BMP10: variants seen among roughly 807,000 people sequenced by gnomAD.
BMP10 encodes the protein bone morphogenetic protein 10.
BMP10 carries 9 observed loss-of-function variants against 29.9 expected under a neutral mutation model. That is an observed-to-expected ratio of 0.30 (90% CI 0.18 to 0.53). The LOEUF is 0.53. Among genes scored for constraint, BMP10 ranks in the 20% least tolerant of loss-of-function variants. The probability of loss-of-function intolerance (pLI) is 0.96; values close to 1 mark genes in which losing one functional copy is unlikely to be tolerated. For missense variants in BMP10, 474 were observed against 524.3 expected, an observed-to-expected ratio of 0.90 and a Z score of 0.94; for synonymous variants, 202 against 200.2, an observed-to-expected ratio of 1.01 and a Z score of -0.07.
At position 68,871,075 on chromosome 2, in the gene BMP10, T is replaced by C. The variant is rs1250514646; in HGVS notation, c.284A>G (p.Asp95Gly). The change falls in exon 1 of 2, where the codon GAT (aspartate) becomes GGT (glycine). Residue 95 changes from aspartate (D) to glycine (G), a missense_variant. Transcript: ENST00000295379. The part of the protein sequence containing the change: ...MLELYNKFAT[D>G]RTSMPSANII... ...GTTGGCAGAGGGCATGGAGGTCCGA[T>C]CTGTTGCAAATTTGTTGTAGAGTTC... The C allele has an allele frequency of 6.2e-7, 1 of 1,614,142 alleles. No homozygotes were observed. Among genetic ancestry groups the C allele is most frequent in the Admixed American group, 1.7e-5 (1 of 60,024 alleles).
Position 68,865,931 on chromosome 2 carries a change from C to T in BMP10, c.975G>A (p.Arg325=). The T allele has an allele frequency of 6.2e-7, 1 of 1,614,046 alleles. No individual in the cohort carries two copies. The highest frequency in any genetic ancestry group is 8.5e-7 in the Non-Finnish European group (1 of 1,179,982). The change falls in exon 2 of 2, where the codon AGG becomes AGA. Residue 325 remains arginine, a synonymous_variant. Coordinates refer to ENST00000295379, the MANE Select transcript of BMP10 (RefSeq NM_014482.3). The surrounding 1 kb of genome is among the most constrained non-coding windows in gnomAD (Gnocchi z 4.7). ...CCTTGAAGTCGATGTAGAGCGGGGT[C>T]CTCTTACAGTAGTTTCCTTTGGCGT... ...RRNAKGNYCK[R]TPLYIDFKEI...
chr2:68,865,704 T>C lies in BMP10; in HGVS notation c.1202A>G (p.Tyr401Cys). ...GTAGGTGACGACGCCTTTGTCTAAATAGAGGATGGAGATGGGCTCTAGCTT... is the reference window on the plus strand; with the variant it reads ...GTAGGTGACGACGCCTTTGTCTAAACAGAGGATGGAGATGGGCTCTAGCTT... ...PTKLEPISIL[Y>C]LDKGVVTYKF... Residue 401 changes from tyrosine (Y) to cysteine (C), a missense_variant, in exon 2 of 2, where the codon TAT becomes TGT. Around this residue, in one of 2 missense-constraint regions of BMP10, gnomAD observed 66 missense variants for 109.0 expected, o/e 0.61. Transcript: ENST00000295379. This position sits in a 1 kb window ranked among gnomAD's most constrained non-coding sequence, Gnocchi z 4.7. 6.2e-7 allele frequency: 1 copy of C among 1,614,110 alleles called. No homozygotes were observed. Among genetic ancestry groups the C allele is most frequent in the Non-Finnish European group, 8.5e-7 (1 of 1,179,984 alleles).
chr2:68,869,170 G>A (rs979033980), intron 1 of BMP10, among the ~76,000 whole-genome samples: 1 of 152,134 alleles, frequency 6.6e-6, no homozygotes, highest in Non-Finnish European at 1.5e-5. Flanking sequence ...TACTCGTTTT[G>A]CACCAGAATA....
Position 68,864,486 on chromosome 2 carries a change from C to T in BMP10, c.*1145G>A, listed in dbSNP as rs1193504666. ...AGCAAAGGCACTTAGGTGTCCCTTTCCAGTTCACAGCATGCATCATGAAGG... is the reference window on the plus strand; with the variant it reads ...AGCAAAGGCACTTAGGTGTCCCTTTTCAGTTCACAGCATGCATCATGAAGG... On this transcript the variant is annotated 3_prime_UTR_variant, in exon 2 of 2. Transcript: ENST00000295379. 6.6e-6 allele frequency among the ~76,000 whole-genome samples: 1 copy of T among 152,046 alleles called. No individual in the cohort carries two copies. Among genetic ancestry groups the T allele is most frequent in the Non-Finnish European group, 1.5e-5 (1 of 68,016 alleles).
In BMP10 at chr2:68,866,014, C is replaced by T. The variant is rs1347466044; in HGVS notation, c.892G>A (p.Ala298Thr). The T allele has an allele frequency of 6.2e-7, 1 of 1,614,074 alleles. No individual in the cohort carries two copies. Reference sequence around the variant, plus strand: ...ATGTTTGATCTCATCTGCAACAAAGCCTCTTCCCCAGGTCCACTGGAAAAG... The same window carrying T: ...ATGTTTGATCTCATCTGCAACAAAGTCTCTTCCCCAGGTCCACTGGAAAAG... The part of the protein sequence containing the change: ...DSFSSGPGEE[A>T]LLQMRSNIIY... Residue 298 changes from alanine (A) to threonine (T), a missense_variant, in exon 2 of 2, where the codon GCT becomes ACT. This residue lies in a region of BMP10 where 408 missense variants were observed against 415.3 expected (regional missense o/e 0.98). Transcript: ENST00000295379.
At position 68,862,978 on chromosome 2, in the gene BMP10, A is replaced by C. The variant is rs760790829; in HGVS notation, c.*2653T>G. Among the ~76,000 whole-genome samples the C allele has an allele frequency of 1.6e-4, 25 of 152,344 alleles. No individual in the cohort carries two copies. The highest frequency in any genetic ancestry group is 1.0e-4 in the Non-Finnish European group (7 of 68,022). On this transcript the variant is annotated 3_prime_UTR_variant, in exon 2 of 2. Transcript: ENST00000295379. ...GCCTATATTTTCATATCTCTTTAAC[A>C]GAAGAGTGACTATAAGTGCTCGAGA...
chr2:68,869,885 C>T (rs1683036989), intron 1 of BMP10, among the ~76,000 whole-genome samples: 1 of 152,150 alleles, frequency 6.6e-6, no homozygotes, highest in African/African-American at 2.4e-5. Flanking sequence ...GTTTGATCAG[C>T]ACTTCATAGT....
At chr2:68,867,820 T>C (rs1682994988) in intron 1 of BMP10, among the ~76,000 whole-genome samples, 1 of 152,240 alleles carries the variant, frequency 6.6e-6, no homozygotes, top group African/African-American at 2.4e-5. Context: ...TTCTTTAATT[T>C]GATCTAATTA....
rs912882883 is a variant in BMP10 at position 68,862,990 on chromosome 2, A to G, written c.*2641T>C. Among the ~76,000 whole-genome samples the G allele has an allele frequency of 2.6e-5, 4 of 152,214 alleles. No individual in the cohort carries two copies. The highest frequency in any genetic ancestry group is 7.2e-5 in the African/African-American group (3 of 41,460). On this transcript the variant is annotated 3_prime_UTR_variant, in exon 2 of 2. Transcript: ENST00000295379. The stretch of plus-strand genomic sequence containing the variant: ...ATATCTCTTTAACAGAAGAGTGACT[A>G]TAAGTGCTCGAGACAAGATTTCTCC...
At position 68,866,586 on chromosome 2, in the gene BMP10, T is replaced by C; in HGVS notation, c.335-15A>G. 3 of 1,593,938 alleles carry C rather than the reference T, an allele frequency of 1.9e-6. No homozygotes were observed. Among genetic ancestry groups the C allele is most frequent in the East Asian group, 2.2e-5 (1 of 44,590 alleles). ...GGAAAACAGATCTGAAAAAAGAAATTTGCAAAAATCAGGTTTGCAGTGGGT... is the reference window on the plus strand; with the variant it reads ...GGAAAACAGATCTGAAAAAAGAAATCTGCAAAAATCAGGTTTGCAGTGGGT... On this transcript the variant is annotated splice_polypyrimidine_tract_variant and intron_variant, in intron 1 of 1. Transcript: ENST00000295379.
Position 68,871,040 on chromosome 2 carries a change from T to C in BMP10, c.319A>G (p.Ser107Gly). ...TSMPSANIIR[S>G]FKNEDLFSQP... is the part of the protein sequence containing the mutation. ...AAAAACTTACCTTCATTCTTGAAAC[T>C]CCTAATGATGTTGGCAGAGGGCATG... Residue 107 changes from serine to glycine, a missense_variant, in exon 1 of 2, where the codon AGT (serine) becomes GGT (glycine). By Grantham distance (56) the Ser-to-Gly change is moderately conservative (BLOSUM62 0). Around this residue, in one of 2 missense-constraint regions of BMP10, gnomAD observed 408 missense variants for 415.3 expected, o/e 0.98. Coordinates refer to ENST00000295379, the MANE Select transcript of BMP10 (RefSeq NM_014482.3). 1 of 1,610,584 alleles carries C rather than the reference T, an allele frequency of 6.2e-7. No homozygotes were observed. Among genetic ancestry groups the C allele is most frequent in the Non-Finnish European group, 8.5e-7 (1 of 1,177,152 alleles).
intron 1 of BMP10, among the ~76,000 whole-genome samples, chr2:68,868,251 C>T (rs1683002607): frequency 6.6e-6 from 1 of 152,036 alleles, no homozygotes; most frequent in East Asian, 1.9e-4. Flanking sequence ...CAATTTTCAC[C>T]TTTTCACATG....
Position 68,865,667 on chromosome 2 carries a change from G to T in BMP10, c.1239C>A (p.Tyr413Ter). The change falls in exon 2 of 2, where the codon TAC (tyrosine) becomes TAA (stop). Residue 413 changes from tyrosine (Y) to a stop codon, truncating the protein, a stop_gained. Transcript: ENST00000295379. LOFTEE classifies it high-confidence loss of function. This position sits in a 1 kb window ranked among gnomAD's most constrained non-coding sequence, Gnocchi z 4.7. ...DKGVVTYKFK[Y>*]EGMAVSECGC... ...CACATTCGGAGACGGCCATGCCTTC[G>T]TATTTAAACTTGTAGGTGACGACGC... 1 of 1,614,082 alleles carries T rather than the reference G, an allele frequency of 6.2e-7. No individual in the cohort carries two copies. The highest frequency in any genetic ancestry group is 8.5e-7 in the Non-Finnish European group (1 of 1,179,952).
At position 68,866,460 on chromosome 2, in the gene BMP10, G is replaced by A. The variant is rs1432058621; in HGVS notation, c.446C>T (p.Thr149Ile). 1 of 1,613,978 alleles carries A rather than the reference G, an allele frequency of 6.2e-7. No homozygotes were observed. Among genetic ancestry groups the A allele is most frequent in the East Asian group, 2.2e-5 (1 of 44,866 alleles). The change falls in exon 2 of 2, where the codon ACA (threonine) becomes ATA (isoleucine). Residue 149 changes from threonine to isoleucine, a missense_variant. Around this residue, in one of 2 missense-constraint regions of BMP10, gnomAD observed 408 missense variants for 415.3 expected, o/e 0.98. Coordinates refer to ENST00000295379, the MANE Select transcript of BMP10 (RefSeq NM_014482.3). The part of the protein sequence containing the change: ...EVIMAELRLY[T>I]LVQRDRMIYD... ...TATCATACGATCCCTTTGCACCAGT[G>A]TGTATAGCCTAAGTTCAGCCATGAT...
At chr2:68,867,954 A>G (rs1200195905) in intron 1 of BMP10, among the ~76,000 whole-genome samples, 1 of 152,162 alleles carries the variant, frequency 6.6e-6, no homozygotes, top group Non-Finnish European at 1.5e-5. Flanking sequence ...CAATAATTTC[A>G]CATGATTAAT....
rs1573682994 is a variant in BMP10, at chr2:68,863,370, A to G, written c.*2261T>C. On this transcript the variant is annotated 3_prime_UTR_variant, in exon 2 of 2. Coordinates refer to ENST00000295379, the MANE Select transcript of BMP10 (RefSeq NM_014482.3). ...AAATTTGCTTAATTTTTATCTAACC[A>G]GGACTATCCTGGTCAGCTGAGGTTT... Among the ~76,000 whole-genome samples the G allele has an allele frequency of 1.3e-5, 2 of 152,336 alleles. No individual in the cohort carries two copies. The highest frequency in any genetic ancestry group is 1.3e-4 in the Admixed American group (2 of 15,306).
In BMP10 at chr2:68,866,102, C is replaced by T. The variant is rs765578475; in HGVS notation, c.804G>A (p.Glu268=). 29 of 1,613,940 alleles carry T rather than the reference C, an allele frequency of 1.8e-5. No homozygotes were observed. The highest frequency in any genetic ancestry group is 2.4e-5 in the Non-Finnish European group (28 of 1,179,998). The change falls in exon 2 of 2, where the codon GAG becomes GAA. Residue 268 remains glutamate, a synonymous_variant. Coordinates refer to ENST00000295379, the MANE Select transcript of BMP10 (RefSeq NM_014482.3). ...CATGGGAAATCATTTCATTCAGTTCCTCCTTCCTCTCCTTGTCACTGCTTT... is the reference window on the plus strand; with the variant it reads ...CATGGGAAATCATTTCATTCAGTTCTTCCTTCCTCTCCTTGTCACTGCTTT... ...DDQSSDKERK[E]ELNEMISHEQ... is the part of the protein sequence containing the mutation.
rs112193833 is a variant in BMP10 at position 68,866,081 on chromosome 2, G to A, written c.825C>T (p.Ser275=). The A allele has an allele frequency of 5.0e-6, 8 of 1,614,050 alleles. No homozygotes were observed. The highest frequency in any genetic ancestry group is 2.7e-5 in the African/African-American group (2 of 75,034). The change falls in exon 2 of 2, where the codon TCC becomes TCT. Residue 275 remains serine (S), a synonymous_variant. Transcript: ENST00000295379. ...TGTCCAGCTCTGGAAGTTGCTCATG[G>A]GAAATCATTTCATTCAGTTCCTCCT... is the stretch of plus-strand genomic sequence containing the variant. ...ERKEELNEMI[S]HEQLPELDNL... is the part of the protein sequence containing the mutation.
rs1682927041 is a variant in BMP10 at position 68,865,125 on chromosome 2, C to T, written c.*506G>A. Among the ~76,000 whole-genome samples the T allele has an allele frequency of 6.6e-6, 1 of 152,192 alleles. No individual in the cohort carries two copies. The highest frequency in any genetic ancestry group is 1.5e-5 in the Non-Finnish European group (1 of 68,018). ...ACTACAGAAACTCAACTGACAAAAG[C>T]TACACTTACATTTCCAGAGTATTTA... On this transcript the variant is annotated 3_prime_UTR_variant, in exon 2 of 2. Transcript: ENST00000295379. The surrounding 1 kb of genome is among the most constrained non-coding windows in gnomAD (Gnocchi z 4.7).
Sources: gnomAD v4.1 joint callset for allele counts (sites outside exome capture counted in the v4.1 genomes callset) on GRCh38, gnomAD v4.1.1 for gene constraint, gnomAD v4.1.1 regional missense constraint, Gnocchi (gnomAD v3.1) non-coding constraint, MANE v1.5 for transcripts, NCBI Gene and HGNC (gene_info 2026-07-23, HGNC 2026-07-21) for gene names.